The following CHD8 variants were observed in gnomAD, a reference collection of about 807,000 sequenced individuals.
CHD8 encodes chromodomain helicase DNA binding protein 8.
In CHD8, 31 loss-of-function variants were observed where a neutral mutation model predicts 279.2. That is an observed-to-expected ratio of 0.11 (90% CI 0.08 to 0.15). The LOEUF is 0.15. CHD8 is among the 10% of genes least tolerant of loss of function. The pLI is 1.00. For missense variants in CHD8, 2,146 were observed against 3,230.5 expected, an observed-to-expected ratio of 0.66 and a Z score of 8.14; for synonymous variants, 1,081 against 1,139.6, an observed-to-expected ratio of 0.95 and a Z score of 1.04.
intron 5 of CHD8, chr14:21,419,629 G>T: frequency 5.1e-6 from 1 of 195,520 alleles, no homozygotes; most frequent in South Asian, 6.9e-5. Flanking sequence ...CATGTCTAGG[G>T]ACAGCAACTG....
chr14:21,389,400 C>T (rs980569257), intron 37 of CHD8, among the ~76,000 whole-genome samples: 2 of 151,980 alleles, frequency 1.3e-5, no homozygotes, highest in Non-Finnish European at 2.9e-5. Flanking sequence ...CACCTGAGGT[C>T]GGGAGTTTGA....
Position 21,385,963 on chromosome 14 carries a change from T to G in CHD8, c.7396A>C (p.Thr2466Pro). 1 of 1,563,752 alleles carries G rather than the reference T, an allele frequency of 6.4e-7. No individual in the cohort carries two copies. Among genetic ancestry groups the G allele is most frequent in the South Asian group, 1.2e-5 (1 of 84,750 alleles). Reference sequence around the variant, plus strand: ...GGCATAAAAGGCAAAGATGCAGAAGTGGCACTGCTGTGACCCAAAGATGAC... The same window carrying G: ...GGCATAAAAGGCAAAGATGCAGAAGGGGCACTGCTGTGACCCAAAGATGAC... ...SVSSLGHSSA[T>P]SASLPFMPFV... The change falls in exon 38 of 38, where the codon ACT becomes CCT. Residue 2466 changes from threonine to proline, a missense_variant. This residue lies in a region of CHD8 where 336 missense variants were observed against 392.9 expected (regional missense o/e 0.86). Transcript: ENST00000646647.
chr14:21,429,085 T>G lies in CHD8; in HGVS notation c.1094A>C (p.Gln365Pro). Residue 365 changes from glutamine to proline, a missense_variant, in exon 3 of 38, where the codon CAG becomes CCG. This residue lies in a region of CHD8 where 170 missense variants were observed against 189.9 expected (regional missense o/e 0.90). Transcript: ENST00000646647. The part of the protein sequence containing the change: ...PQPPSSQPQP[Q>P]QPPSTQPVTL... ...CACTGGCTGGGTGGAGGGTGGCTGC[T>G]GGGGCTGTGGCTGCGATGATGGTGG... is the stretch of plus-strand genomic sequence containing the variant. The G allele has an allele frequency of 1.2e-6, 2 of 1,614,036 alleles. No homozygotes were observed. Among genetic ancestry groups the G allele is most frequent in the Non-Finnish European group, 8.5e-7 (1 of 1,179,898 alleles).
At chr14:21,444,698 CTTT>C (rs200458429) in intron 1 of CHD8, among the ~76,000 whole-genome samples, 2 of 151,718 alleles carry the variant, frequency 1.3e-5, no homozygotes, top group African/African-American at 2.4e-5. Context: ...TATTTAACCA[CTTT>C]TTTAAAAAAA....
chr14:21,425,797 G>A (rs1402773458), intron 5 of CHD8: 6 of 217,986 alleles, frequency 2.8e-5, no homozygotes, highest in Non-Finnish European at 5.4e-5. Flanking sequence ...TTAGCTGGGC[G>A]TGGTGGTGCA....
chr14:21,407,523 T>C (rs911444512), intron 13 of CHD8, among the ~76,000 whole-genome samples: 1 of 152,132 alleles, frequency 6.6e-6, no homozygotes, highest in African/African-American at 2.4e-5. Context: ...AAAAGAAAAC[T>C]AATAGAGAAA....
At position 21,408,270 on chromosome 14, in the gene CHD8, G is replaced by A. The variant is rs113092940; in HGVS notation, c.2730+42C>T. The A allele has an allele frequency of 2.7e-5, 43 of 1,591,626 alleles. No homozygotes were observed. Among genetic ancestry groups the A allele is most frequent in the African/African-American group, 2.3e-4 (17 of 74,706 alleles). ...CCTTAAAATACCAGGTACCTTGGCC[G>A]ACTTTCTCTAACTCATAGTATTCCC... is the stretch of plus-strand genomic sequence containing the variant. On this transcript the variant is annotated intron_variant, in intron 13 of 37. Coordinates refer to ENST00000646647, the MANE Select transcript of CHD8 (RefSeq NM_001170629.2). The surrounding 1 kb of genome is among the most constrained non-coding windows in gnomAD (Gnocchi z 4.3).
Position 21,405,189 on chromosome 14 carries a change from T to TA in CHD8, c.3307+19dup. On this transcript the variant is annotated intron_variant, in intron 16 of 37. Transcript: ENST00000646647. This position sits in a 1 kb window ranked among gnomAD's most constrained non-coding sequence, Gnocchi z 4.2. ...CACAGGTACTACAGAAGTTCAGGTA[T>TA]ATACCAAGCATTCCCTCACCATTGA... 1.2e-6 allele frequency: 2 copies of TA among 1,612,206 alleles called. No homozygotes were observed. Among genetic ancestry groups the TA allele is most frequent in the Middle Eastern group, 1.6e-4 (1 of 6,062 alleles).
chr14:21,442,489 A>C (rs1890001521), intron 1 of CHD8, among the ~76,000 whole-genome samples: 2 of 151,176 alleles, frequency 1.3e-5, no homozygotes, highest in African/African-American at 4.9e-5. Flanking sequence ...TAAAATAAAA[A>C]ATTAGCCAGG....
In CHD8 at chr14:21,385,619, A is replaced by G. The variant is rs1475620734; in HGVS notation, c.7740T>C (p.Asp2580=). 2 of 1,551,044 alleles carry G rather than the reference A, an allele frequency of 1.3e-6. No homozygotes were observed. Among genetic ancestry groups the G allele is most frequent in the East Asian group, 2.4e-5 (1 of 40,906 alleles). Residue 2580 remains aspartate, a synonymous_variant, in exon 38 of 38, where the codon GAT becomes GAC. Coordinates refer to ENST00000646647, the MANE Select transcript of CHD8 (RefSeq NM_001170629.2). ...PANSDSSEDA[D]D ...TGGGGCCCATGCTGGGGCTTCAGTC[A>G]TCAGCATCTTCACTGGAGTCTGAGT...
chr14:21,435,990 T>C (rs775840771), intron 1 of CHD8, among the ~76,000 whole-genome samples: 8 of 152,242 alleles, frequency 5.3e-5, no homozygotes, highest in Admixed American at 3.3e-4. Context: ...TGTCGTCTAA[T>C]AGATAAAATT....
In CHD8 at chr14:21,456,116, C is replaced by T. The variant is rs895907533; in HGVS notation, c.-300G>A. The T allele has an allele frequency of 2.8e-4, 42 of 152,282 alleles. No homozygotes were observed. Among genetic ancestry groups the T allele is most frequent in the African/African-American group, 9.2e-4 (38 of 41,430 alleles). The allele number at this position is 152,282 out of a possible 1,614,324, so 9.4% of individuals were successfully genotyped here. On this transcript the variant is annotated 5_prime_UTR_variant, in exon 1 of 38. Coordinates refer to ENST00000646647, the MANE Select transcript of CHD8 (RefSeq NM_001170629.2). ...AAGGCGCCTTCCGGCGGAGCATGGC[C>T]AGCCCTCGCCTCAATCTAGCTTGCT... is the stretch of plus-strand genomic sequence containing the variant.
At chr14:21,436,816 G>C in intron 1 of CHD8, 2 of 486,798 alleles carry the variant, frequency 4.1e-6, no homozygotes, top group South Asian at 3.1e-5. Flanking sequence ...CATGAAAAAA[G>C]GGAAAGGGCG....
chr14:21,421,854 A>G (rs1465585759), intron 5 of CHD8, among the ~76,000 whole-genome samples: 1 of 152,236 alleles, frequency 6.6e-6, no homozygotes, highest in East Asian at 1.9e-4. Context: ...GCCCTAATCC[A>G]ATCTGACTAA....
chr14:21,454,216 A>AGAAAAGAAAAGAAAC (rs1170237658), intron 1 of CHD8, among the ~76,000 whole-genome samples: 2 of 150,268 alleles, frequency 1.3e-5, no homozygotes, highest in Non-Finnish European at 3.0e-5. Flanking sequence ...AGAAAAGAAA[A>AGAAAAGAAAAGAAAC]GAAAACTGAC....
intron 3 of CHD8, among the ~76,000 whole-genome samples, chr14:21,428,700 A>C (rs1443261776): frequency 6.6e-6 from 1 of 152,232 alleles, no homozygotes; most frequent in African/African-American, 2.4e-5. Flanking sequence ...ATTTCACAAT[A>C]ATATTAGGAA....
At position 21,402,262 on chromosome 14, in the gene CHD8, G is replaced by A. The variant is rs993489444; in HGVS notation, c.3882+74C>T. The A allele has an allele frequency of 1.3e-6, 2 of 1,555,040 alleles. No individual in the cohort carries two copies. The highest frequency in any genetic ancestry group is 1.7e-5 in the Admixed American group (1 of 59,464). On this transcript the variant is annotated intron_variant, in intron 19 of 37. Transcript: ENST00000646647. The surrounding 1 kb of genome is among the most constrained non-coding windows in gnomAD (Gnocchi z 4.5). ...ATCCAAACAAGGTAGTCAAATCCCT[G>A]TGTACAAATAGCTTTTGTTTCCCTC... is the stretch of plus-strand genomic sequence containing the variant.
In CHD8 at chr14:21,430,875, C is replaced by G; in HGVS notation, c.769G>C (p.Ala257Pro). ...GTGGCCCCAGGGTTTCCAGCAGGAG[C>G]TGAACCCTTAACTGGCTGGAGGACC... ...QLVLQPVKGSAPAGNPGATGP... is the reference protein window; with the variant it reads ...QLVLQPVKGSPPAGNPGATGP... Residue 257 changes from alanine (A) to proline (P), a missense_variant, in exon 2 of 38, where the codon GCT becomes CCT. Ala to Pro is a conservative substitution (Grantham distance 27, BLOSUM62 -1). This residue lies in a region of CHD8 where 302 missense variants were observed against 325.5 expected (regional missense o/e 0.93). Coordinates refer to ENST00000646647, the MANE Select transcript of CHD8 (RefSeq NM_001170629.2). 2 of 1,599,416 alleles carry G rather than the reference C, an allele frequency of 1.3e-6. No individual in the cohort carries two copies. Among genetic ancestry groups the G allele is most frequent in the Non-Finnish European group, 1.7e-6 (2 of 1,179,732 alleles).
intron 37 of CHD8, among the ~76,000 whole-genome samples, chr14:21,388,648 C>T (rs532118588): frequency 3.3e-5 from 5 of 152,248 alleles, no homozygotes; most frequent in South Asian, 2.1e-4. Flanking sequence ...TGCACTACCA[C>T]GCCCAGCTAA....
Sources: gnomAD v4.1 joint callset for allele counts (sites outside exome capture counted in the v4.1 genomes callset) on GRCh38, gnomAD v4.1.1 for gene constraint, gnomAD v4.1.1 regional missense constraint, Gnocchi (gnomAD v3.1) non-coding constraint, MANE v1.5 for transcripts, NCBI Gene and HGNC (gene_info 2026-07-23, HGNC 2026-07-21) for gene names.